The following EYA1 variants were observed in gnomAD, a reference collection of about 807,000 sequenced individuals.
EYA1 encodes the protein EYA transcriptional coactivator and phosphatase 1, also known as protein phosphatase EYA1.
In EYA1, 16 loss-of-function variants were observed where a neutral mutation model predicts 82.0. That is an observed-to-expected ratio of 0.20 (90% CI 0.13 to 0.30). The LOEUF (loss-of-function observed/expected upper bound fraction) is 0.30. EYA1 is among the 10% of genes least tolerant of loss of function. The probability of loss-of-function intolerance (pLI) is 1.00; values close to 1 mark genes in which losing one functional copy is unlikely to be tolerated. For missense variants in EYA1, 633 were observed against 730.7 expected (o/e 0.87, Z 1.54); for synonymous variants, 261 against 264.4 (o/e 0.99, Z 0.12).
chr8:71,239,044 A>G (rs897714960), intron 12 of EYA1, among the ~76,000 whole-genome samples: 2 of 152,122 alleles, frequency 1.3e-5, no homozygotes, highest in African/African-American at 4.8e-5. Context: ...CTTTAAATAT[A>G]CTTTTATATT....
intron 2 of EYA1, among the ~76,000 whole-genome samples, chr8:71,391,164 G>A (rs1015204456): frequency 2.6e-5 from 4 of 151,804 alleles, no homozygotes; most frequent in South Asian, 2.1e-4. Context: ...TTTATTTTTC[G>A]TAGAGACAGG....
chr8:71,251,239 A>G (rs993719434), intron 11 of EYA1, among the ~76,000 whole-genome samples: 1 of 152,232 alleles, frequency 6.6e-6, no homozygotes, highest in Non-Finnish European at 1.5e-5. Flanking sequence ...TCTGGTAGAA[A>G]TTGAATAGTA....
chr8:71,456,008 C>T (rs180775156), intron 2 of EYA1, among the ~76,000 whole-genome samples: 1 of 152,272 alleles, frequency 6.6e-6, no homozygotes, highest in East Asian at 1.9e-4. Flanking sequence ...GTAGAAAACC[C>T]CATTATCTCA....
chr8:71,226,918 T>C (rs1810630985), intron 12 of EYA1, among the ~76,000 whole-genome samples: 2 of 151,974 alleles, frequency 1.3e-5, no homozygotes, highest in South Asian at 4.2e-4. Flanking sequence ...TTATTTATGG[T>C]TCAGTTAATT....
intron 11 of EYA1, among the ~76,000 whole-genome samples, chr8:71,254,303 A>G (rs1814136825): frequency 6.6e-6 from 1 of 151,276 alleles, no homozygotes; most frequent in East Asian, 1.9e-4. Context: ...GCAAGCTCCT[A>G]GATCTAGCTA....
chr8:71,230,286 A>G (rs1811041260), intron 12 of EYA1, among the ~76,000 whole-genome samples: 2 of 152,234 alleles, frequency 1.3e-5, no homozygotes, highest in African/African-American at 2.4e-5. Context: ...TCTCTCCCAG[A>G]TTGAAGATTA....
intron 4 of EYA1, among the ~76,000 whole-genome samples, chr8:71,331,544 G>C (rs1246581381): frequency 2.7e-5 from 4 of 149,332 alleles, no homozygotes; most frequent in African/African-American, 9.8e-5. Context: ...TAAGACAAAA[G>C]CAGAAGGAAT....
At chr8:71,344,040 T>C (rs977161629) in intron 3 of EYA1, among the ~76,000 whole-genome samples, 1 of 152,196 alleles carries the variant, frequency 6.6e-6, no homozygotes. Context: ...TTATTTTTAA[T>C]ATATTTTAAA....
At chr8:71,386,086 T>G (rs1294140331) in intron 2 of EYA1, among the ~76,000 whole-genome samples, 2 of 152,232 alleles carry the variant, frequency 1.3e-5, no homozygotes, top group Non-Finnish European at 2.9e-5. Flanking sequence ...AAAATATTTC[T>G]GTTTTTCAGT....
At chr8:71,468,514 C>A (rs1175635839) in intron 2 of EYA1, among the ~76,000 whole-genome samples, 1 of 152,048 alleles carries the variant, frequency 6.6e-6, no homozygotes, top group Non-Finnish European at 1.5e-5. Flanking sequence ...GATTGTTTTC[C>A]AAAAACATTA....
At chr8:71,508,274 GT>G (rs1488338194) in intron 2 of EYA1, among the ~76,000 whole-genome samples, 1 of 152,136 alleles carries the variant, frequency 6.6e-6, no homozygotes, top group African/African-American at 2.4e-5. Context: ...GTTTTGGGGG[GT>G]TTTGTTGCTG....
At chr8:71,527,595 T>C (rs1813915437) in intron 2 of EYA1, among the ~76,000 whole-genome samples, 1 of 152,156 alleles carries the variant, frequency 6.6e-6, no homozygotes, top group Admixed American at 6.5e-5. Flanking sequence ...GAAGACTGGT[T>C]CCAAAACTCT....
intron 2 of EYA1, among the ~76,000 whole-genome samples, chr8:71,494,924 A>C (rs916786401): frequency 3.3e-5 from 5 of 152,074 alleles, no homozygotes; most frequent in African/African-American, 1.2e-4. Context: ...GCTTCATGCC[A>C]TCTCTTAAGG....
intron 4 of EYA1, among the ~76,000 whole-genome samples, chr8:71,330,389 C>G (rs1316318013): frequency 6.6e-6 from 1 of 152,156 alleles, no homozygotes; most frequent in Non-Finnish European, 1.5e-5. Flanking sequence ...TCAATTATCC[C>G]CCTACTTACC....
chr8:71,258,798 T>C (rs1341800589), intron 11 of EYA1, among the ~76,000 whole-genome samples: 1 of 152,256 alleles, frequency 6.6e-6, no homozygotes, highest in Non-Finnish European at 1.5e-5. Context: ...AAATAAGGAC[T>C]GTGAAAACTG....
At chr8:71,345,657 T>A (rs928952975) in intron 3 of EYA1, among the ~76,000 whole-genome samples, 13 of 152,204 alleles carry the variant, frequency 8.5e-5, no homozygotes, top group Admixed American at 7.9e-4. Context: ...ATTTTCCACA[T>A]CACTGTCTTT....
At chr8:71,317,185 T>C (rs1325651253) in intron 7 of EYA1, among the ~76,000 whole-genome samples, 1 of 152,200 alleles carries the variant, frequency 6.6e-6, no homozygotes, top group Admixed American at 6.5e-5. Context: ...TGGATGGTAA[T>C]ACCAAGTGCG....
chr8:71,298,636 A>G (rs1418499441), intron 9 of EYA1, among the ~76,000 whole-genome samples: 1 of 152,194 alleles, frequency 6.6e-6, no homozygotes, highest in Non-Finnish European at 1.5e-5. Flanking sequence ...TTTTCAAACT[A>G]TCAGCAAGAT....
intron 2 of EYA1, among the ~76,000 whole-genome samples, chr8:71,373,656 A>C (rs934283961): frequency 6.6e-6 from 1 of 152,260 alleles, no homozygotes; most frequent in East Asian, 1.9e-4. Context: ...TTTATATAGA[A>C]CCATAAAAGT....
Sources: gnomAD v4.1 joint callset for allele counts (sites outside exome capture counted in the v4.1 genomes callset) on GRCh38, gnomAD v4.1.1 for gene constraint, MANE v1.5 for transcripts, NCBI Gene and HGNC (gene_info 2026-07-23, HGNC 2026-07-21) for gene names.